ANK3: variants seen among roughly 807,000 people sequenced by gnomAD.
ANK3 encodes the protein ankyrin-3.
ANK3 carries 57 observed loss-of-function variants against 370.9 expected under a neutral mutation model. That is an observed-to-expected ratio of 0.15 (90% CI 0.12 to 0.19). The LOEUF (loss-of-function observed/expected upper bound fraction) is 0.19, where lower values mean the gene tolerates loss of function less well. Among genes scored for constraint, ANK3 ranks in the 10% least tolerant of loss-of-function variants. The pLI is 1.00. For missense variants in ANK3, 4,439 were observed against 5,302.1 expected, an observed-to-expected ratio of 0.84 and a Z score of 5.06; for synonymous variants, 1,929 against 1,946.3, an observed-to-expected ratio of 0.99 and a Z score of 0.23.
chr10:60,197,618 T>C (rs914758846), intron 14 of ANK3, among the ~76,000 whole-genome samples: 1 of 152,238 alleles, frequency 6.6e-6, no homozygotes, highest in Non-Finnish European at 1.5e-5. Flanking sequence ...TTTATCCCGA[T>C]AGTTTTCTAT....
chr10:60,661,784 C>T (rs1046200981), intron 1 of ANK3, among the ~76,000 whole-genome samples: 1 of 152,098 alleles, frequency 6.6e-6, no homozygotes, highest in African/African-American at 2.4e-5. Flanking sequence ...AGAATGATGC[C>T]GGCCACCCAC....
intron 2 of ANK3, among the ~76,000 whole-genome samples, chr10:60,524,901 C>G (rs1938544): frequency 0.68 from 103,577 of 151,318 alleles, 35,846 homozygotes; most frequent in South Asian, 0.88. Context: ...GACCCATGAA[C>G]AGAAATATTG....
chr10:60,592,872 T>C (rs1474305308), intron 2 of ANK3, among the ~76,000 whole-genome samples: 4 of 152,250 alleles, frequency 2.6e-5, no homozygotes, highest in African/African-American at 7.2e-5. Context: ...CTTTGAGCTG[T>C]TGACTGGCTA....
chr10:60,479,034 T>C (rs1044274366), intron 2 of ANK3, among the ~76,000 whole-genome samples: 1 of 152,140 alleles, frequency 6.6e-6, no homozygotes, highest in Non-Finnish European at 1.5e-5. Context: ...TTAGCCAAAT[T>C]TTCTAAATAC....
intron 43 of ANK3, among the ~76,000 whole-genome samples, chr10:60,033,932 C>A (rs2074297861): frequency 6.6e-6 from 1 of 151,988 alleles, no homozygotes; most frequent in Admixed American, 6.6e-5. Context: ...CGGGATGGGG[C>A]CAGCATCAAA....
At chr10:60,554,881 T>C (rs1452514328) in intron 2 of ANK3, among the ~76,000 whole-genome samples, 1 of 152,188 alleles carries the variant, frequency 6.6e-6, no homozygotes, top group Non-Finnish European at 1.5e-5. Context: ...CAATATACTG[T>C]GTCACGTAAG....
Position 60,536,184 on chromosome 10 carries a change from C to A in ANK3, c.96+79002G>T, listed in dbSNP as rs145475514. Among the ~76,000 whole-genome samples the A allele has an allele frequency of 3.3e-3, 507 of 152,052 alleles. 3 individuals carry two copies. The highest frequency in any genetic ancestry group is 0.012 in the African/African-American group (489 of 41,510). ...AAACTATTTCTCTCTCTTATCAAAC[C>A]CATTATAAAATGCATATGTAATTAT... is the stretch of plus-strand genomic sequence containing the variant. On this transcript the variant is annotated intron_variant, in intron 2 of 43. Coordinates refer to the ANK3 transcript ENST00000373827.
At chr10:60,185,175 T>C (rs2096291914) in intron 17 of ANK3, among the ~76,000 whole-genome samples, 2 of 152,200 alleles carry the variant, frequency 1.3e-5, no homozygotes, top group African/African-American at 4.8e-5. Flanking sequence ...GTGTTTGCTC[T>C]GTAATGACCA....
At chr10:60,353,036 T>C (rs2132704239) in intron 1 of ANK3, among the ~76,000 whole-genome samples, 1 of 152,104 alleles carries the variant, frequency 6.6e-6, no homozygotes, top group East Asian at 1.9e-4. Flanking sequence ...CCGGCTGGAG[T>C]GCAGAGGCGT....
chr10:60,210,252 C>A (rs1352603794), intron 9 of ANK3, among the ~76,000 whole-genome samples: 2 of 152,042 alleles, frequency 1.3e-5, no homozygotes, highest in African/African-American at 4.8e-5. Context: ...CATATAATTT[C>A]AAGATGGTGT....
At chr10:60,281,622 T>G (rs2098164570) in intron 1 of ANK3, among the ~76,000 whole-genome samples, 1 of 152,176 alleles carries the variant, frequency 6.6e-6, no homozygotes, top group African/African-American at 2.4e-5. Flanking sequence ...ATATAGCAAG[T>G]GCCTGTAAGT....
intron 2 of ANK3, among the ~76,000 whole-genome samples, chr10:60,593,711 T>C (rs2133295941): frequency 6.6e-6 from 1 of 152,328 alleles, no homozygotes; most frequent in Admixed American, 6.5e-5. Flanking sequence ...GTAATTTTGA[T>C]GAAAGGGCTC....
chr10:60,325,433 A>AC (rs922516173), intron 1 of ANK3, among the ~76,000 whole-genome samples: 3 of 151,872 alleles, frequency 2.0e-5, no homozygotes, highest in Non-Finnish European at 4.4e-5. Context: ...GCCTGAGACC[A>AC]CCCCCCTGCC....
chr10:60,402,898 A>T (rs559286567), intron 2 of ANK3, among the ~76,000 whole-genome samples: 2 of 152,222 alleles, frequency 1.3e-5, no homozygotes, highest in Admixed American at 6.5e-5. Flanking sequence ...CTACAGTTAC[A>T]TAAGTGGTTA....
intron 8 of ANK3, among the ~76,000 whole-genome samples, chr10:60,214,237 C>T (rs80040017): frequency 0.036 from 5,504 of 152,136 alleles, 317 homozygotes; most frequent in African/African-American, 0.12. Context: ...AGACAGGGTT[C>T]AGCATCAATA....
chr10:60,290,032 T>C (rs1439924676), intron 1 of ANK3, among the ~76,000 whole-genome samples: 1 of 152,166 alleles, frequency 6.6e-6, no homozygotes, highest in Non-Finnish European at 1.5e-5. Flanking sequence ...GCCATCCCGA[T>C]TGTGACCACT....
rs924504678 is a variant in ANK3, at chr10:60,716,555, C to T, written c.57+16708G>A. On this transcript the variant is annotated intron_variant, in intron 1 of 43. Transcript: ENST00000373827. Reference sequence around the variant, plus strand: ...AATTTAAGAAAAATTTTTTTGTCACCGAGGCTGGAGTGTAGTGGCACATTC... The same window carrying T: ...AATTTAAGAAAAATTTTTTTGTCACTGAGGCTGGAGTGTAGTGGCACATTC... 1.3e-4 allele frequency among the ~76,000 whole-genome samples: 19 copies of T among 151,952 alleles called. No individual in the cohort carries two copies. In the East Asian group the frequency reaches 1.3e-3, roughly 11 times the overall value.
chr10:60,416,399 G>A (rs533153580), intron 2 of ANK3, among the ~76,000 whole-genome samples: 19 of 152,260 alleles, frequency 1.2e-4, no homozygotes, highest in African/African-American at 4.3e-4. Context: ...ATCATTAAGC[G>A]CATGTTAAAT....
chr10:60,639,678 A>T (rs1184416818), intron 1 of ANK3, among the ~76,000 whole-genome samples: 2 of 151,972 alleles, frequency 1.3e-5, no homozygotes, highest in African/African-American at 4.8e-5. Context: ...CAATCCATAG[A>T]CAAACCACTA....
Sources: gnomAD v4.1 joint callset for allele counts (sites outside exome capture counted in the v4.1 genomes callset) on GRCh38, gnomAD v4.1.1 for gene constraint, MANE v1.5 for transcripts, NCBI Gene and HGNC (gene_info 2026-07-23, HGNC 2026-07-21) for gene names.